The following SLC36A1 variants were observed in gnomAD, a reference collection of about 807,000 sequenced individuals.
SLC36A1 encodes the protein solute carrier family 36 member 1.
SLC36A1 carries 30 observed loss-of-function variants against 47.5 expected under a neutral mutation model. The ratio of observed to expected loss-of-function variants is 0.63; its 90% CI spans 0.47 to 0.86. SLC36A1 has a LOEUF of 0.86. SLC36A1 is among the 40% of genes least tolerant of loss of function. The pLI is 0.00. For missense variants in SLC36A1, 517 were observed against 606.0 expected, an observed-to-expected ratio of 0.85 and a Z score of 1.54; for synonymous variants, 255 against 249.7, an observed-to-expected ratio of 1.02 and a Z score of -0.20.
the SLC36A1 span, among the ~76,000 whole-genome samples, chr5:151,423,594 G>C: frequency 6.6e-6 from 1 of 152,314 alleles, no homozygotes; most frequent in Non-Finnish European, 1.5e-5. Context: ...TCAAAGCTAT[G>C]GAGACAGTAA....
the SLC36A1 span, among the ~76,000 whole-genome samples, chr5:151,389,918 TA>T: frequency 2.3e-5 from 1 of 42,598 alleles, no homozygotes; most frequent in African/African-American, 3.8e-4. Context: ...CTTTGGGTAT[TA>T]TACCCAGTAA....
At chr5:151,482,852 T>C (rs1758989385) in intron 10 of SLC36A1, among the ~76,000 whole-genome samples, 1 of 152,116 alleles carries the variant, frequency 6.6e-6, no homozygotes, top group African/African-American at 2.4e-5. Flanking sequence ...AGTAACATGG[T>C]GAAACCCCGT....
chr5:151,463,843 G>A (rs745980918), intron 3 of SLC36A1, among the ~76,000 whole-genome samples, 200 bp downstream of exon 3: 7 of 152,174 alleles, frequency 4.6e-5, no homozygotes, highest in Non-Finnish European at 1.0e-4. Flanking sequence ...ACTGTTCTAA[G>A]CTCTTAGAAT....
At chr5:151,357,044 G>A in the SLC36A1 span, among the ~76,000 whole-genome samples, 2,592 of 152,314 alleles carry the variant, frequency 0.017, 44 homozygotes, top group Middle Eastern at 0.044. Flanking sequence ...GCAAATCTAA[G>A]AGGAAGAAGG....
chr5:151,545,750 C>T, the SLC36A1 span: 1 of 1,614,000 alleles, frequency 6.2e-7, no homozygotes, highest in Non-Finnish European at 8.5e-7. Context: ...GCTTCTTTGT[C>T]ACTGTCAGAG....
chr5:151,388,561 A>C, the SLC36A1 span, among the ~76,000 whole-genome samples: 4 of 151,658 alleles, frequency 2.6e-5, no homozygotes, highest in Non-Finnish European at 5.9e-5. Context: ...CAGAAAATGT[A>C]TAAAACCTAG....
intron 2 of SLC36A1, among the ~76,000 whole-genome samples, chr5:151,461,715 TGTC>T (rs1026512434): frequency 4.6e-5 from 7 of 152,288 alleles, no homozygotes; most frequent in Admixed American, 1.3e-4. Context: ...TTATACTAGT[TGTC>T]GTTGTATTTT....
the SLC36A1 span, among the ~76,000 whole-genome samples, chr5:151,390,951 A>T: frequency 1.3e-5 from 2 of 152,184 alleles, no homozygotes; most frequent in East Asian, 3.9e-4. Flanking sequence ...GAAGAAAGTC[A>T]TTGGTAGCTT....
chr5:151,474,597 T>G (rs892835138), intron 8 of SLC36A1, among the ~76,000 whole-genome samples: 1 of 152,222 alleles, frequency 6.6e-6, no homozygotes, highest in Non-Finnish European at 1.5e-5. Flanking sequence ...TAATGTTATT[T>G]TATTATTGAA....
chr5:151,444,612 A>G (rs1752817543), upstream of SLC36A1, among the ~76,000 whole-genome samples: 2 of 152,056 alleles, frequency 1.3e-5, no homozygotes, highest in South Asian at 4.2e-4. Context: ...CAGCCTCTCA[A>G]GTAGCTTGGA....
intron 7 of SLC36A1, among the ~76,000 whole-genome samples, chr5:151,470,461 G>A (rs1034702712): frequency 6.6e-6 from 1 of 152,220 alleles, no homozygotes; most frequent in Non-Finnish European, 1.5e-5. Flanking sequence ...GTCTGCATAA[G>A]GGCAGCCCTG....
chr5:151,444,588 C>G (rs1189549479), upstream of SLC36A1, among the ~76,000 whole-genome samples: 1 of 152,160 alleles, frequency 6.6e-6, no homozygotes, highest in Non-Finnish European at 1.5e-5. Context: ...CAGGTTCAAA[C>G]AATTCTCCTG....
chr5:151,441,582 G>A (rs746665029), intron 1 of SLC36A1, among the ~76,000 whole-genome samples: 4 of 151,968 alleles, frequency 2.6e-5, no homozygotes, highest in Non-Finnish European at 4.4e-5. Flanking sequence ...CTATACATAC[G>A]TATATATTTC....
chr5:151,415,182 T>C, the SLC36A1 span, among the ~76,000 whole-genome samples: 3 of 152,136 alleles, frequency 2.0e-5, no homozygotes, highest in Non-Finnish European at 4.4e-5. Flanking sequence ...AAAATCAACT[T>C]CCACTCTTGC....
At chr5:151,521,590 A>G in the SLC36A1 span, 1 of 1,614,212 alleles carries the variant, frequency 6.2e-7, no homozygotes, top group Non-Finnish European at 8.5e-7. Context: ...GAGGCTGGCC[A>G]AGTGAATGTT....
At chr5:151,529,003 G>A in the SLC36A1 span, among the ~76,000 whole-genome samples, 345 of 152,210 alleles carry the variant, frequency 2.3e-3, 3 homozygotes, top group African/African-American at 7.8e-3. Context: ...TAGTTTGGCC[G>A]AGCATTGTTT....
At chr5:151,516,077 G>T in the SLC36A1 span, among the ~76,000 whole-genome samples, 1 of 152,080 alleles carries the variant, frequency 6.6e-6, no homozygotes, top group Non-Finnish European at 1.5e-5. Context: ...CTGCCAAAAG[G>T]CTTTCACATT....
intron 5 of SLC36A1, among the ~76,000 whole-genome samples, chr5:151,466,730 A>T (rs553232963): frequency 8.5e-5 from 13 of 152,114 alleles, no homozygotes; most frequent in Non-Finnish European, 1.3e-4. Context: ...GTGAGATGGG[A>T]TAGGTGGGCA....
At chr5:151,543,034 A>G in the SLC36A1 span, 8 of 1,614,082 alleles carry the variant, frequency 5.0e-6, no homozygotes, top group Non-Finnish European at 6.8e-6. Context: ...AGGTGCAGAG[A>G]AAGTATACAA....
Sources: gnomAD v4.1 joint callset for allele counts (sites outside exome capture counted in the v4.1 genomes callset) on GRCh38, gnomAD v4.1.1 for gene constraint, MANE v1.5 for transcripts, NCBI Gene and HGNC (gene_info 2026-07-23, HGNC 2026-07-21) for gene names.